Variants in UNC13C observed in about 807,000 individuals in gnomAD.
UNC13C encodes unc-13 homolog C.
A neutral mutation model predicts 245.4 loss-of-function variants in UNC13C; 174 were observed. The observed-to-expected ratio is 0.71, with a 90% CI of 0.63 to 0.80. The LOEUF is 0.80. Ranked by LOEUF, UNC13C falls within the 30% of genes least tolerant of loss-of-function variation. The probability of loss-of-function intolerance (pLI) is 0.00; values close to 1 mark genes in which losing one functional copy is unlikely to be tolerated. For synonymous variants in UNC13C, 992 were observed against 895.1 expected, an observed-to-expected ratio of 1.11 and a Z score of -1.93; for missense variants, 2,829 against 2,602.9, an observed-to-expected ratio of 1.09 and a Z score of -1.89.
At chr15:54,082,213 C>T (rs1439477375) in intron 2 of UNC13C, among the ~76,000 whole-genome samples, 2 of 152,084 alleles carry the variant, frequency 1.3e-5, no homozygotes, top group African/African-American at 4.8e-5. Flanking sequence ...TTTTCATTAG[C>T]ATTGACCTTG....
At chr15:54,407,173 T>C (rs2040311657) in intron 18 of UNC13C, among the ~76,000 whole-genome samples, 1 of 152,026 alleles carries the variant, frequency 6.6e-6, no homozygotes, top group Non-Finnish European at 1.5e-5. Flanking sequence ...AAAGGTAAAT[T>C]TGGTGATAAT....
At chr15:54,602,901 T>C (rs1899522048) in intron 30 of UNC13C, among the ~76,000 whole-genome samples, 1 of 152,300 alleles carries the variant, frequency 6.6e-6, no homozygotes, top group African/African-American at 2.4e-5. Context: ...ATTCCACATA[T>C]CCTTCTGTGT....
At chr15:54,330,582 T>G (rs906979367) in intron 14 of UNC13C, among the ~76,000 whole-genome samples, 1 of 151,994 alleles carries the variant, frequency 6.6e-6, no homozygotes, top group African/African-American at 2.4e-5. Flanking sequence ...CATCCAGAGA[T>G]GTTACACGAA....
chr15:54,404,842 C>G (rs980018822), intron 18 of UNC13C, among the ~76,000 whole-genome samples: 1 of 152,114 alleles, frequency 6.6e-6, no homozygotes, highest in Non-Finnish European at 1.5e-5. Flanking sequence ...CTCAGTACTT[C>G]TGAAGTTCAT....
rs183906637 is a variant in UNC13C, at chr15:54,304,950, A to T, written c.4268+4577A>T. ...TTTATACAAAAATATACGTGTACTC[A>T]TTTTATCTCAATCTGTTAATATAAT... On this transcript the variant is annotated intron_variant, in intron 13 of 32. Transcript: ENST00000260323. Among the ~76,000 whole-genome samples the T allele has an allele frequency of 5.2e-4, 79 of 152,242 alleles. 1 individual carries two copies. In the East Asian group the frequency reaches 0.013, roughly 25 times the overall value.
chr15:54,246,744 C>T (rs2036002734), intron 7 of UNC13C, among the ~76,000 whole-genome samples: 1 of 136,774 alleles, frequency 7.3e-6, no homozygotes, highest in East Asian at 2.3e-4. Context: ...CACACTGTGG[C>T]CTATCGGAGG....
At chr15:54,298,964 A>T (rs1234093434) in intron 12 of UNC13C, among the ~76,000 whole-genome samples, 1 of 152,170 alleles carries the variant, frequency 6.6e-6, no homozygotes, top group Non-Finnish European at 1.5e-5. Context: ...AGAAATGAGG[A>T]ACCGTGTTTA....
intron 19 of UNC13C, among the ~76,000 whole-genome samples, chr15:54,450,306 A>C (rs546120365): frequency 6.6e-6 from 1 of 152,246 alleles, no homozygotes; most frequent in Non-Finnish European, 1.5e-5. Flanking sequence ...GCTGTCACAC[A>C]GGGACATTTA....
chr15:54,191,264 T>C (rs1247347777), intron 4 of UNC13C, among the ~76,000 whole-genome samples: 3 of 152,162 alleles, frequency 2.0e-5, no homozygotes, highest in Admixed American at 1.3e-4. Context: ...TGTGTTCTCT[T>C]TGTTCAATTC....
chr15:54,278,344 A>G (rs1305901014), intron 10 of UNC13C, among the ~76,000 whole-genome samples: 2 of 152,130 alleles, frequency 1.3e-5, no homozygotes, highest in Non-Finnish European at 2.9e-5. Context: ...TAATATTCTC[A>G]TGTGAGCTTG....
At chr15:54,329,282 G>A (rs886690853) in intron 14 of UNC13C, among the ~76,000 whole-genome samples, 2 of 151,720 alleles carry the variant, frequency 1.3e-5, no homozygotes, top group Admixed American at 6.6e-5. Flanking sequence ...TTCATGTTGG[G>A]AACATTCCAA....
At chr15:54,101,810 T>A (rs1900180069) in intron 2 of UNC13C, among the ~76,000 whole-genome samples, 1 of 151,840 alleles carries the variant, frequency 6.6e-6, no homozygotes, top group South Asian at 2.1e-4. Flanking sequence ...GGTCTCGAAC[T>A]CCTGACCTCA....
chr15:53,937,377 G>A, the UNC13C span, among the ~76,000 whole-genome samples: 1,883 of 152,148 alleles, frequency 0.012, 36 homozygotes, highest in African/African-American at 0.043. Flanking sequence ...AAGAAATATG[G>A]GACTATGTAA....
intron 2 of UNC13C, among the ~76,000 whole-genome samples, chr15:54,130,614 T>A (rs1212320857): frequency 6.6e-6 from 1 of 152,110 alleles, no homozygotes; most frequent in Non-Finnish European, 1.5e-5. Flanking sequence ...TTAACAGTAT[T>A]TTATGTGAAA....
chr15:53,993,724 A>G (rs1894491592), intron 1 of UNC13C, among the ~76,000 whole-genome samples: 1 of 152,060 alleles, frequency 6.6e-6, no homozygotes, highest in African/African-American at 2.4e-5. Flanking sequence ...TTAATCTGCA[A>G]CGTTTTAGAA....
intron 4 of UNC13C, among the ~76,000 whole-genome samples, chr15:54,189,411 C>T (rs2034105788): frequency 6.6e-6 from 1 of 151,926 alleles, no homozygotes; most frequent in Admixed American, 6.6e-5. Flanking sequence ...CCAAGAAAAA[C>T]AACAGCGTCA....
At chr15:53,870,695 T>C in the UNC13C span, among the ~76,000 whole-genome samples, 1 of 152,172 alleles carries the variant, frequency 6.6e-6, no homozygotes, top group Non-Finnish European at 1.5e-5. Flanking sequence ...CTTCATGTAC[T>C]TTAGCCCATC....
intron 18 of UNC13C, among the ~76,000 whole-genome samples, chr15:54,397,526 T>C (rs2040095363): frequency 6.6e-6 from 1 of 151,530 alleles, no homozygotes; most frequent in Non-Finnish European, 1.5e-5. Flanking sequence ...TGCAATTCCA[T>C]TTAAATTTGT....
At chr15:54,587,719 C>A (rs1163380409) in intron 30 of UNC13C, among the ~76,000 whole-genome samples, 1 of 152,138 alleles carries the variant, frequency 6.6e-6, no homozygotes, top group African/African-American at 2.4e-5. Flanking sequence ...AGCCTCCACC[C>A]ACCTCCCCAT....
Sources: gnomAD v4.1 joint callset for allele counts (sites outside exome capture counted in the v4.1 genomes callset) on GRCh38, gnomAD v4.1.1 for gene constraint, MANE v1.5 for transcripts, NCBI Gene and HGNC (gene_info 2026-07-23, HGNC 2026-07-21) for gene names.